EDA2R: variants seen among roughly 807,000 people sequenced by gnomAD.
EDA2R encodes tumor necrosis factor receptor superfamily member 27.
A neutral mutation model predicts 20.1 loss-of-function variants in EDA2R; 26 were observed. The ratio of observed to expected loss-of-function variants is 1.30; its 90% CI spans 0.95 to 1.80. EDA2R has a LOEUF of 1.80. Ranked by LOEUF, EDA2R falls within the 40% of genes most tolerant of loss-of-function variation. EDA2R has a pLI of 0.00. For missense variants in EDA2R, 277 were observed against 228.7 expected (o/e 1.21, Z -1.36); for synonymous variants, 114 against 88.7 (o/e 1.29, Z -1.60).
chrX:66,605,882 A>C (rs1419417976), intron 2 of EDA2R, among the ~76,000 whole-genome samples: 1 of 112,458 alleles, frequency 8.9e-6, no homozygotes, highest in African/African-American at 3.2e-5. Context: ...AAATGCATGA[A>C]AGTATATATT....
intron 6 of EDA2R, 47 bp from the exon 7 acceptor site, chrX:66,598,140 T>G: frequency 1.7e-6 from 1 of 588,168 alleles, no homozygotes; most frequent in Non-Finnish European, 2.4e-6. Flanking sequence ...GAAATCTCAC[T>G]AGCACCCTTC....
chrX:66,603,713 T>G (rs1929075548), intron 4 of EDA2R, among the ~76,000 whole-genome samples: 1 of 111,729 alleles, frequency 9.0e-6, no homozygotes, highest in South Asian at 3.7e-4. Context: ...TCTGAGGAGG[T>G]AGGGAGGTAA....
chrX:66,607,613 C>A (rs979148901), intron 2 of EDA2R, among the ~76,000 whole-genome samples: 2 of 110,272 alleles, frequency 1.8e-5, no homozygotes, highest in Non-Finnish European at 3.8e-5. Flanking sequence ...TACCCAGTCC[C>A]AAACAAAATA....
intron 1 of EDA2R, among the ~76,000 whole-genome samples, chrX:66,631,934 T>C (rs1237147761): frequency 4.5e-5 from 5 of 111,885 alleles, no homozygotes; most frequent in Non-Finnish European, 9.4e-5. Flanking sequence ...ATATACAATA[T>C]GTAAAATATA....
intron 1 of EDA2R, among the ~76,000 whole-genome samples, chrX:66,633,151 CAT>C (rs1427679720): frequency 8.9e-6 from 1 of 112,288 alleles, no homozygotes; most frequent in Non-Finnish European, 1.9e-5. Flanking sequence ...AAATGCTAAC[CAT>C]ATGAGTCAAT....
In EDA2R at chrX:66,627,601, C is replaced by T. The variant is rs776071102; in HGVS notation, c.-11+11394G>A. 3.6e-5 allele frequency among the ~76,000 whole-genome samples: 4 copies of T among 112,091 alleles called. No individual in the cohort carries two copies. The South Asian group carries it at 1.5e-3, about 41-fold the overall frequency. On this transcript the variant is annotated intron_variant, in intron 1 of 6. Coordinates refer to ENST00000374719, the MANE Select transcript of EDA2R (RefSeq NM_021783.5). ...AATATCACAATCCTAAACATATATG[C>T]AAATAATACCAGAGCTCCCAAATTT...
chrX:66,604,515 A>G lies in EDA2R; in HGVS notation c.267-9T>C. The G allele has an allele frequency of 1.7e-6, 2 of 1,197,469 alleles. No individual in the cohort carries two copies. The highest frequency in any genetic ancestry group is 2.3e-6 in the Non-Finnish European group (2 of 885,752). On this transcript the variant is annotated splice_polypyrimidine_tract_variant and intron_variant, in intron 3 of 6. Transcript: ENST00000374719. ...GTGTCTTTCGGTAGAACCTGTGTTCAGAGCAATTAGGAATGGCAGGGTGAT... is the reference window on the plus strand; with the variant it reads ...GTGTCTTTCGGTAGAACCTGTGTTCGGAGCAATTAGGAATGGCAGGGTGAT...
intron 2 of EDA2R, among the ~76,000 whole-genome samples, chrX:66,610,996 G>C (rs1930641910): frequency 9.0e-6 from 1 of 111,349 alleles, no homozygotes; most frequent in Non-Finnish European, 1.9e-5. Context: ...CTAATAACAA[G>C]TGGTCGAGCA....
At chrX:66,631,587 T>G (rs1429060052) in intron 1 of EDA2R, among the ~76,000 whole-genome samples, 1 of 111,568 alleles carries the variant, frequency 9.0e-6, no homozygotes, top group African/African-American at 3.3e-5. Context: ...AAAAAGCATT[T>G]TATTAATGTT....
At chrX:66,622,995 C>T (rs1010440880) in intron 1 of EDA2R, among the ~76,000 whole-genome samples, 3 of 112,029 alleles carry the variant, frequency 2.7e-5, no homozygotes, top group East Asian at 2.8e-4. Context: ...ATTCATACCA[C>T]GAGGGAGTTG....
At chrX:66,636,204 A>G (rs1934305527) in intron 1 of EDA2R, among the ~76,000 whole-genome samples, 1 of 112,197 alleles carries the variant, frequency 8.9e-6, no homozygotes, top group African/African-American at 3.2e-5. Context: ...CCTGACCAGA[A>G]AAAAATAATT....
chrX:66,630,984 T>C (rs1432799465), intron 1 of EDA2R, among the ~76,000 whole-genome samples: 1 of 110,118 alleles, frequency 9.1e-6, no homozygotes, highest in East Asian at 2.9e-4. Context: ...CGTATGTGTG[T>C]ATGTACATAA....
At position 66,599,624 on chromosome X, in the gene EDA2R, T is replaced by A; in HGVS notation, c.754A>T (p.Ile252Phe). ...TGCAGGTCCAGCTCTGTGCATTCGA[T>A]GGGGCTGTGGACCCAGTGGGAGTGG... ...ESHSHWVHSP[I>F]ECTELDLQKF... The change falls in exon 6 of 7, where the codon ATC becomes TTC. Residue 252 changes from isoleucine to phenylalanine, a missense_variant. Ile to Phe is a conservative substitution (Grantham distance 21). Coordinates refer to ENST00000374719, the MANE Select transcript of EDA2R (RefSeq NM_021783.5). The A allele has an allele frequency of 8.3e-7, 1 of 1,205,493 alleles. No homozygotes were observed. Among genetic ancestry groups the A allele is most frequent in the Non-Finnish European group, 1.1e-6 (1 of 892,538 alleles).
chrX:66,630,951 G>T (rs1011148572), intron 1 of EDA2R, among the ~76,000 whole-genome samples: 4 of 109,130 alleles, frequency 3.7e-5, no homozygotes, highest in Non-Finnish European at 5.7e-5. Flanking sequence ...ATACACGTAT[G>T]TGTGTATACA....
chrX:66,602,492 C>T (rs1928799367), intron 5 of EDA2R, 141 bp downstream of exon 5: 3 of 700,884 alleles, frequency 4.3e-6, no homozygotes, highest in Non-Finnish European at 6.1e-6. Context: ...AGATAGTTCC[C>T]CAGGCCAACA....
intron 2 of EDA2R, among the ~76,000 whole-genome samples, chrX:66,608,617 A>T (rs983211447): frequency 6.2e-5 from 7 of 112,046 alleles, no homozygotes; most frequent in African/African-American, 1.9e-4. Context: ...ATAAAGGAAT[A>T]ATTAAAACAT....
At chrX:66,602,428 T>G (rs1263849877) in intron 5 of EDA2R, among the ~76,000 whole-genome samples, 3 of 110,919 alleles carry the variant, frequency 2.7e-5, no homozygotes, top group Non-Finnish European at 5.7e-5. Context: ...TCTTCTAAAC[T>G]CTCAGGGTTG....
rs1033404831 is a variant in EDA2R at position 66,597,395 on chromosome X, A to C, written c.*709T>G. The C allele has an allele frequency of 1.8e-5, 2 of 111,893 alleles. No homozygotes were observed. Among genetic ancestry groups the C allele is most frequent in the African/African-American group, 6.5e-5 (2 of 30,753 alleles). The allele number at this position is 111,893 out of a possible 1,213,427, so 9.2% of individuals were successfully genotyped here. A position where few individuals can be genotyped will look rare whatever the true frequency, so the allele number is the denominator to read the frequency against. ...GTAGTTTGGGGAACTCAGGCCCCAG[A>C]AGGAAGATTACTTTGGCTCAGAAAT... On this transcript the variant is annotated 3_prime_UTR_variant, in exon 7 of 7. Transcript: ENST00000374719.
chrX:66,621,004 C>T (rs1261246266), intron 1 of EDA2R, among the ~76,000 whole-genome samples: 3 of 105,317 alleles, frequency 2.8e-5, no homozygotes, highest in Admixed American at 1.0e-4. Context: ...CGGCCAGGCA[C>T]GGTGGCTCAC....
Sources: allele counts gnomAD v4.1 joint callset (sites outside exome capture counted in the v4.1 genomes callset), GRCh38; gene constraint gnomAD v4.1.1; transcripts MANE v1.5; gene names NCBI Gene and HGNC (gene_info 2026-07-23, HGNC 2026-07-21).